The following SLC44A5 variants were observed in gnomAD, a reference collection of about 807,000 sequenced individuals.
SLC44A5 encodes the protein solute carrier family 44 member 5, also known as choline transporter-like protein 5.
A neutral mutation model predicts 101.8 loss-of-function variants in SLC44A5; 57 were observed. That is an observed-to-expected ratio of 0.56 (90% CI 0.45 to 0.70). SLC44A5 has a LOEUF of 0.70. Among genes scored for constraint, SLC44A5 ranks in the 30% least tolerant of loss-of-function variants. The pLI, the probability that SLC44A5 is intolerant of heterozygous loss-of-function variation, is 0.00. For missense variants in SLC44A5, 737 were observed against 853.1 expected (o/e 0.86, Z 1.70); for synonymous variants, 281 against 290.9 (o/e 0.97, Z 0.35).
the SLC44A5 span, among the ~76,000 whole-genome samples, chr1:75,671,470 T>C: frequency 6.6e-6 from 1 of 152,062 alleles, no homozygotes; most frequent in Non-Finnish European, 1.5e-5. Context: ...AACCAGTAAG[T>C]AAAATTCATA....
chr1:75,576,518 C>T (rs1305035715), intron 1 of SLC44A5, among the ~76,000 whole-genome samples: 1 of 151,974 alleles, frequency 6.6e-6, no homozygotes, highest in Non-Finnish European at 1.5e-5. Flanking sequence ...CGGGGTTTCA[C>T]CGTGTTAGCC....
In SLC44A5 at chr1:75,605,019, G is replaced by A. The variant is rs376645520; in HGVS notation, c.-70+6021C>T. Among the ~76,000 whole-genome samples, 38 of 151,856 alleles carry A rather than the reference G, an allele frequency of 2.5e-4. No homozygotes were observed. In the East Asian group the frequency reaches 4.1e-3, roughly 16 times the overall value. Reference sequence around the variant, plus strand: ...CCTGATTGCTCTGGCTTGCACTTCCGGTACTGTGTTCAACAGGAGTGGGAA... The same window carrying A: ...CCTGATTGCTCTGGCTTGCACTTCCAGTACTGTGTTCAACAGGAGTGGGAA... On this transcript the variant is annotated intron_variant, in intron 1 of 23. Transcript: ENST00000370859.
At chr1:75,207,023 G>C (rs897159302) in intron 23 of SLC44A5, among the ~76,000 whole-genome samples, 10 of 152,132 alleles carry the variant, frequency 6.6e-5, no homozygotes, top group Non-Finnish European at 1.0e-4. Flanking sequence ...TTCTGTAACT[G>C]TTCATTTCAG....
At chr1:75,453,229 A>C (rs1019144132) in intron 2 of SLC44A5, among the ~76,000 whole-genome samples, 6 of 152,106 alleles carry the variant, frequency 3.9e-5, no homozygotes, top group Admixed American at 3.9e-4. Flanking sequence ...TACCAAGAAG[A>C]TCTCTCAAAA....
chr1:75,309,369 G>A (rs1227503979), intron 4 of SLC44A5, among the ~76,000 whole-genome samples: 5 of 152,160 alleles, frequency 3.3e-5, no homozygotes, highest in Non-Finnish European at 7.3e-5. Context: ...CACTGTTGGA[G>A]TGAGCTATGA....
intron 1 of SLC44A5, among the ~76,000 whole-genome samples, chr1:75,554,250 G>T (rs1465506974): frequency 6.6e-6 from 1 of 152,078 alleles, no homozygotes; most frequent in Non-Finnish European, 1.5e-5. Context: ...GCCAAGGCAG[G>T]CGAATCATTT....
intron 2 of SLC44A5, among the ~76,000 whole-genome samples, chr1:75,479,771 C>T (rs1667706765): frequency 6.6e-6 from 1 of 152,116 alleles, no homozygotes; most frequent in Non-Finnish European, 1.5e-5. Context: ...AGCTTACCAA[C>T]CAAAAAGAGT....
At chr1:75,590,848 C>T (rs571951081) in intron 1 of SLC44A5, among the ~76,000 whole-genome samples, 2 of 152,308 alleles carry the variant, frequency 1.3e-5, no homozygotes, top group South Asian at 4.1e-4. Flanking sequence ...CCAGATAGCA[C>T]TTCTGAACCC....
intron 2 of SLC44A5, among the ~76,000 whole-genome samples, chr1:75,463,013 AG>A (rs1366285305): frequency 3.3e-5 from 5 of 152,204 alleles, no homozygotes; most frequent in Admixed American, 6.5e-5. Flanking sequence ...CCAAACCTGG[AG>A]AAAGATATCA....
rs138315589 is a variant in SLC44A5, at chr1:75,393,266, A to G, written c.52+3317T>C. On this transcript the variant is annotated intron_variant, in intron 3 of 23. Coordinates refer to ENST00000370859, the MANE Select transcript of SLC44A5 (RefSeq NM_001130058.2). The stretch of plus-strand genomic sequence containing the variant: ...CCTAAAAAAGCTGGAAAGCCATCTC[A>G]ACTTTCTTTGATTTGGCTAAGGAAG... 1.3e-4 allele frequency among the ~76,000 whole-genome samples: 20 copies of G among 152,322 alleles called. No individual in the cohort carries two copies. The East Asian group carries it at 3.9e-3, about 29-fold the overall frequency.
At chr1:75,577,588 C>A (rs1404927049) in intron 1 of SLC44A5, among the ~76,000 whole-genome samples, 1 of 152,214 alleles carries the variant, frequency 6.6e-6, no homozygotes, top group African/African-American at 2.4e-5. Flanking sequence ...AAGACCACCA[C>A]ATTCATACAT....
chr1:75,362,743 G>A lies in SLC44A5; in HGVS notation c.53-23113C>T, dbSNP rs925048596. Among the ~76,000 whole-genome samples the A allele has an allele frequency of 7.2e-5, 11 of 152,114 alleles. No individual in the cohort carries two copies. The East Asian group carries it at 2.1e-3, about 29-fold the overall frequency. ...ACCTATCTTGGAGAATGTTTAATAT[G>A]CCCTTGAGAAGAGTATGTATCCTAA... On this transcript the variant is annotated intron_variant, in intron 3 of 23. Coordinates refer to ENST00000370859, the MANE Select transcript of SLC44A5 (RefSeq NM_001130058.2).
intron 13 of SLC44A5, among the ~76,000 whole-genome samples, chr1:75,224,939 TA>T (rs1300989815): frequency 6.6e-6 from 1 of 152,116 alleles, no homozygotes; most frequent in Non-Finnish European, 1.5e-5. Context: ...ATTTATAAAG[TA>T]AAAGTTATAG....
intron 7 of SLC44A5, among the ~76,000 whole-genome samples, chr1:75,243,555 CTT>C (rs1232009333): frequency 6.6e-6 from 1 of 152,024 alleles, no homozygotes; most frequent in African/African-American, 2.4e-5. Flanking sequence ...CAGTGATAGA[CTT>C]ATTTTTAATT....
At chr1:75,505,231 T>G (rs995510279) in intron 2 of SLC44A5, among the ~76,000 whole-genome samples, 3 of 152,154 alleles carry the variant, frequency 2.0e-5, no homozygotes, top group African/African-American at 7.2e-5. Flanking sequence ...AAATATTTTC[T>G]TTATTCACAT....
chr1:75,451,087 A>C (rs1431888743), intron 2 of SLC44A5, among the ~76,000 whole-genome samples: 1 of 152,156 alleles, frequency 6.6e-6, no homozygotes, highest in African/African-American at 2.4e-5. Context: ...GCACACCTCT[A>C]AGCACTTGGT....
chr1:75,516,175 A>C (rs1465260748), intron 2 of SLC44A5, among the ~76,000 whole-genome samples: 1 of 152,208 alleles, frequency 6.6e-6, no homozygotes, highest in East Asian at 1.9e-4. Context: ...TCTAGATTTA[A>C]GATGTGAGTT....
intron 2 of SLC44A5, among the ~76,000 whole-genome samples, chr1:75,427,737 A>G (rs1664393508): frequency 2.0e-5 from 3 of 152,182 alleles, no homozygotes; most frequent in Non-Finnish European, 2.9e-5. Flanking sequence ...AATAATAAAA[A>G]TGTCGTTGTG....
chr1:75,542,031 T>C (rs1164593216), intron 1 of SLC44A5, among the ~76,000 whole-genome samples: 1 of 152,186 alleles, frequency 6.6e-6, no homozygotes, highest in East Asian at 1.9e-4. Context: ...CATATCACTC[T>C]ATAAAAATTT....
Sources: gnomAD v4.1 joint callset for allele counts (sites outside exome capture counted in the v4.1 genomes callset) on GRCh38, gnomAD v4.1.1 for gene constraint, MANE v1.5 for transcripts, NCBI Gene and HGNC (gene_info 2026-07-23, HGNC 2026-07-21) for gene names.